Variants in PACRG observed in about 807,000 individuals in gnomAD.
The protein encoded by PACRG is parkin coregulated.
Under a neutral mutation model 29.7 loss-of-function variants are expected in PACRG, and 29 were observed. The ratio of observed to expected loss-of-function variants is 0.98; its 90% CI spans 0.73 to 1.33. The LOEUF (loss-of-function observed/expected upper bound fraction) is 1.33. Ranked by LOEUF, PACRG falls within the 40% of genes most tolerant of loss-of-function variation. The probability of loss-of-function intolerance (pLI) is 0.00; values close to 1 mark genes in which losing one functional copy is unlikely to be tolerated. For missense variants in PACRG, 279 were observed against 316.2 expected, an observed-to-expected ratio of 0.88 and a Z score of 0.89; for synonymous variants, 116 against 118.7, an observed-to-expected ratio of 0.98 and a Z score of 0.15.
intron 2 of PACRG, among the ~76,000 whole-genome samples, chr6:162,954,337 A>G (rs560271446): frequency 9.9e-5 from 15 of 152,268 alleles, no homozygotes; most frequent in South Asian, 4.1e-4. Flanking sequence ...CCTGACCTTC[A>G]TGTTCAACAT....
rs1270694853 is a variant in PACRG, at chr6:162,814,159, C to T, written c.169C>T (p.Pro57Ser). Reference protein sequence around the residue: ...MMKNSVVRGPPAAGAFKERPT... With the variant: ...MMKNSVVRGPSAAGAFKERPT... ...TTTTCCAATTAAGGTGAGAGGCCCT[C>T]CAGCTGCAGGGGCATTTAAAGAAAG... Residue 57 changes from proline to serine, a missense_variant, in exon 2 of 5, where the codon CCA (proline) becomes TCA (serine). Coordinates refer to ENST00000366888, the MANE Select transcript of PACRG (RefSeq NM_001080379.2). 1.2e-6 allele frequency: 2 copies of T among 1,611,878 alleles called. No homozygotes were observed. The highest frequency in any genetic ancestry group is 2.2e-5 in the East Asian group (1 of 44,838).
intron 2 of PACRG, among the ~76,000 whole-genome samples, chr6:162,862,003 T>C (rs1791900790): frequency 6.6e-6 from 1 of 152,092 alleles, no homozygotes; most frequent in Non-Finnish European, 1.5e-5. Flanking sequence ...TCCACTAAGG[T>C]CTTGGCATTT....
intron 4 of PACRG, among the ~76,000 whole-genome samples, chr6:163,107,002 G>A (rs909467242): frequency 2.0e-5 from 3 of 152,242 alleles, no homozygotes; most frequent in Admixed American, 6.5e-5. Context: ...TGCAAATAAT[G>A]ATCAAGAAGA....
At chr6:162,976,354 AG>A (rs1179402345) in intron 2 of PACRG, among the ~76,000 whole-genome samples, 11 of 152,322 alleles carry the variant, frequency 7.2e-5, no homozygotes, top group African/African-American at 2.6e-4. Context: ...AGCCATTATG[AG>A]GGCCGAACGA....
chr6:162,749,762 T>C (rs892363679), intron 1 of PACRG, among the ~76,000 whole-genome samples: 8 of 152,092 alleles, frequency 5.3e-5, no homozygotes, highest in Non-Finnish European at 1.0e-4. Flanking sequence ...TCAGATGATC[T>C]GCCCGCCTCG....
At chr6:163,033,662 T>G (rs1807879951) in intron 2 of PACRG, among the ~76,000 whole-genome samples, 1 of 152,150 alleles carries the variant, frequency 6.6e-6, no homozygotes, top group South Asian at 2.1e-4. Context: ...TACATATAAA[T>G]ACATAGAAAG....
At chr6:163,094,085 C>A (rs745760840) in intron 4 of PACRG, among the ~76,000 whole-genome samples, 4 of 152,208 alleles carry the variant, frequency 2.6e-5, no homozygotes, top group Non-Finnish European at 5.9e-5. Flanking sequence ...CGTGTGAATT[C>A]TCTGGGACCA....
intron 2 of PACRG, among the ~76,000 whole-genome samples, chr6:162,881,948 G>A (rs990287100): frequency 2.1e-5 from 2 of 95,132 alleles, no homozygotes; most frequent in Non-Finnish European, 4.0e-5. Context: ...TCTCCACCAA[G>A]ACCAGAGATG....
chr6:163,272,552 C>T (rs1021103283), intron 4 of PACRG, among the ~76,000 whole-genome samples: 3 of 152,130 alleles, frequency 2.0e-5, no homozygotes, highest in Non-Finnish European at 2.9e-5. Context: ...CTTGTAATAG[C>T]ACTGACTGTT....
chr6:163,291,854 T>C (rs1784621634), intron 4 of PACRG, among the ~76,000 whole-genome samples: 1 of 151,570 alleles, frequency 6.6e-6, no homozygotes, highest in Non-Finnish European at 1.5e-5. Context: ...GACTCTTGTC[T>C]GGGGGTAACA....
At chr6:162,754,858 G>A (rs1167518663) in intron 1 of PACRG, among the ~76,000 whole-genome samples, 2 of 150,232 alleles carry the variant, frequency 1.3e-5, no homozygotes, top group African/African-American at 4.8e-5. Context: ...AGAAGTATTG[G>A]TGTTAGTTCT....
intron 4 of PACRG, among the ~76,000 whole-genome samples, chr6:163,201,078 G>A (rs1168470981): frequency 6.6e-6 from 1 of 152,212 alleles, no homozygotes; most frequent in African/African-American, 2.4e-5. Context: ...CAAATGTGAT[G>A]TTTATTATTT....
intron 2 of PACRG, among the ~76,000 whole-genome samples, chr6:162,961,649 C>T (rs1235128759): frequency 6.6e-6 from 1 of 152,140 alleles, no homozygotes; most frequent in Non-Finnish European, 1.5e-5. Context: ...AATGGTGGCA[C>T]CACCTTCTGC....
At chr6:162,863,843 C>G (rs1156566513) in intron 2 of PACRG, among the ~76,000 whole-genome samples, 1 of 152,140 alleles carries the variant, frequency 6.6e-6, no homozygotes, top group Non-Finnish European at 1.5e-5. Flanking sequence ...TGCTCTCATA[C>G]CTACCTATTT....
At chr6:162,982,675 A>G (rs998241468) in intron 2 of PACRG, among the ~76,000 whole-genome samples, 2 of 152,130 alleles carry the variant, frequency 1.3e-5, no homozygotes, top group Non-Finnish European at 2.9e-5. Context: ...AGTACTTGAT[A>G]TAAATTTTGA....
rs555656554 is a variant in PACRG, at chr6:163,286,064, T to C, written c.614-28763T>C. 3.3e-5 allele frequency among the ~76,000 whole-genome samples: 5 copies of C among 152,356 alleles called. No homozygotes were observed. The South Asian group carries it at 1.0e-3, about 32-fold the overall frequency. On this transcript the variant is annotated intron_variant, in intron 4 of 4. Coordinates refer to ENST00000366888, the MANE Select transcript of PACRG (RefSeq NM_001080379.2). ...GCATATTTTGGAGCATGATCTATCT[T>C]TATGCAAGTGGAGGGGTGAACGGAA...
chr6:163,224,677 T>G (rs547875974), intron 4 of PACRG, among the ~76,000 whole-genome samples: 2 of 152,202 alleles, frequency 1.3e-5, no homozygotes, highest in Non-Finnish European at 2.9e-5. Context: ...CATACAAAAG[T>G]CAACTCAGAA....
At chr6:163,277,007 C>T (rs544966792) in intron 4 of PACRG, among the ~76,000 whole-genome samples, 5 of 152,302 alleles carry the variant, frequency 3.3e-5, no homozygotes, top group African/African-American at 4.8e-5. Flanking sequence ...TCAGTGTATT[C>T]GCTGTCCTCA....
At chr6:163,143,737 C>T (rs73786997) in intron 4 of PACRG, among the ~76,000 whole-genome samples, 2,889 of 151,462 alleles carry the variant, frequency 0.019, 86 homozygotes, top group African/African-American at 0.066. Flanking sequence ...GCCTGGGCGA[C>T]GTCAGCAAGG....
Sources: gnomAD v4.1 joint callset for allele counts (sites outside exome capture counted in the v4.1 genomes callset) on GRCh38, gnomAD v4.1.1 for gene constraint, MANE v1.5 for transcripts, NCBI Gene and HGNC (gene_info 2026-07-23, HGNC 2026-07-21) for gene names.